RFT1: variants seen among roughly 807,000 people sequenced by gnomAD.
RFT1 encodes man(5)GlcNAc(2)-PP-dolichol translocation protein RFT1.
Under a neutral mutation model 62.2 loss-of-function variants are expected in RFT1, and 43 were observed. The observed-to-expected ratio is 0.69, with a 90% confidence interval of 0.54 to 0.89. The LOEUF (loss-of-function observed/expected upper bound fraction) is 0.89, where lower values mean the gene tolerates loss of function less well. Ranked by LOEUF, RFT1 falls within the 40% of genes least tolerant of loss-of-function variation. The pLI is 0.00. For synonymous variants in RFT1, 262 were observed against 264.6 expected (o/e 0.99, Z 0.10); for missense variants, 605 against 649.9 (o/e 0.93, Z 0.75).
the RFT1 span, among the ~76,000 whole-genome samples, chr3:53,067,573 A>G: frequency 0.98 from 149,742 of 152,222 alleles, 73,708 homozygotes; most frequent in Middle Eastern, 1. Flanking sequence ...ACGGTTACAC[A>G]GGTGTGCACC....
At chr3:53,096,848 G>A (rs1701156305) in intron 11 of RFT1, among the ~76,000 whole-genome samples, 1 of 152,082 alleles carries the variant, frequency 6.6e-6, no homozygotes, top group African/African-American at 2.4e-5. Context: ...AGGTTCAAGT[G>A]ATTCTTGTGC....
intron 11 of RFT1, among the ~76,000 whole-genome samples, chr3:53,098,590 C>G (rs1045755444): frequency 6.6e-6 from 1 of 152,036 alleles, no homozygotes; most frequent in Admixed American, 6.5e-5. Context: ...ATCACAAGGT[C>G]AGGAGATCGA....
chr3:53,103,910 T>A, intron 10 of RFT1, 43 bp downstream of exon 10: 1 of 1,611,922 alleles, frequency 6.2e-7, no homozygotes, highest in East Asian at 2.2e-5. Flanking sequence ...CTTCTATTTA[T>A]GTTGGGAAAT....
intron 11 of RFT1, among the ~76,000 whole-genome samples, chr3:53,093,222 G>A (rs2107074388): frequency 6.6e-6 from 1 of 152,268 alleles, no homozygotes; most frequent in East Asian, 1.9e-4. Flanking sequence ...CCTCCAAAAT[G>A]AAATGGGAAC....
intron 7 of RFT1, among the ~76,000 whole-genome samples, chr3:53,107,944 T>C (rs1176083152): frequency 1.3e-5 from 2 of 152,182 alleles, no homozygotes; most frequent in East Asian, 3.9e-4. Flanking sequence ...TGCCACTGTG[T>C]TTGTGGTAGG....
chr3:53,121,323 G>A (rs577870946), intron 5 of RFT1, among the ~76,000 whole-genome samples: 51 of 152,196 alleles, frequency 3.4e-4, no homozygotes, highest in African/African-American at 1.2e-3. Flanking sequence ...GGAAATCCAG[G>A]GAAAATAATA....
rs982848642 is a variant in RFT1 at position 53,109,949 on chromosome 3, C to T, written c.775+1881G>A. 2.0e-5 allele frequency among the ~76,000 whole-genome samples: 3 copies of T among 152,146 alleles called. No individual in the cohort carries two copies. In the East Asian group the frequency reaches 5.8e-4, roughly 29 times the overall value. On this transcript the variant is annotated intron_variant, in intron 7 of 12. Coordinates refer to ENST00000296292, the MANE Select transcript of RFT1 (RefSeq NM_052859.4). The stretch of plus-strand genomic sequence containing the variant: ...TATTTCACAGCCAAGGAGATGGAGG[C>T]CCTGAGAAGTTCCTAATGGCACTCT...
intron 10 of RFT1, among the ~76,000 whole-genome samples, chr3:53,099,904 C>T (rs1701265672): frequency 6.6e-6 from 1 of 152,164 alleles, no homozygotes; most frequent in Non-Finnish European, 1.5e-5. Context: ...GGAGGATCAC[C>T]TGAGTCTGGG....
the RFT1 span, among the ~76,000 whole-genome samples, chr3:53,071,983 G>A: frequency 6.6e-6 from 1 of 152,222 alleles, no homozygotes; most frequent in Non-Finnish European, 1.5e-5. Context: ...GCCTCAAGAG[G>A]CCCTAAAGGA....
chr3:53,103,122 C>G (rs1352417381), intron 10 of RFT1: 5 of 985,402 alleles, frequency 5.1e-6, no homozygotes, highest in Non-Finnish European at 6.0e-6. Flanking sequence ...GAAACCTGGC[C>G]CTTCCTCCCC....
At chr3:53,072,227 G>A in the RFT1 span, among the ~76,000 whole-genome samples, 1 of 152,178 alleles carries the variant, frequency 6.6e-6, no homozygotes, top group African/African-American at 2.4e-5. Context: ...CTCTACATGA[G>A]GCTGTGATAA....
At position 53,104,077 on chromosome 3, in the gene RFT1, A is replaced by G. The variant is rs372101755; in HGVS notation, c.978T>C (p.Ala326=). 2.5e-4 allele frequency: 405 copies of G among 1,613,926 alleles called. 1 individual carries two copies. The highest frequency in any genetic ancestry group is 2.8e-4 in the Non-Finnish European group (334 of 1,180,010). The change falls in exon 10 of 13, where the codon GCT becomes GCC. Residue 326 remains alanine, a synonymous_variant. Transcript: ENST00000296292. ...LQKQEDVAVA[A]AVLESLLKLA... ...GCTTGAGCAGGGACTCCAAGACTGC[A>G]GCAGCCACAGCAACGTCCTCCTGGG...
chr3:53,085,560 T>C (rs1700837404), downstream of RFT1, among the ~76,000 whole-genome samples: 1 of 152,234 alleles, frequency 6.6e-6, no homozygotes, highest in African/African-American at 2.4e-5. Context: ...CAGCCACCAC[T>C]CTTGTGTCCT....
At chr3:53,076,905 C>T in the RFT1 span, among the ~76,000 whole-genome samples, 158 of 151,582 alleles carry the variant, frequency 1.0e-3, 1 homozygote, top group African/African-American at 3.7e-3. Context: ...TGTGATTGTG[C>T]CACTGCTCTC....
At chr3:53,104,860 T>A (rs1207667137) in intron 9 of RFT1, among the ~76,000 whole-genome samples, 1 of 152,240 alleles carries the variant, frequency 6.6e-6, no homozygotes, top group African/African-American at 2.4e-5. Flanking sequence ...AACCCGAGTA[T>A]ACAGAATCTT....
chr3:53,106,865 C>G lies in RFT1; in HGVS notation c.780G>C (p.Glu260Asp), dbSNP rs761054182. ...CATTCAAAAATGTCATCACATATCGCTCGCCTATAAACAAAAAAGCAAAAT... is the reference window on the plus strand; with the variant it reads ...CATTCAAAAATGTCATCACATATCGGTCGCCTATAAACAAAAAAGCAAAAT... Reference protein sequence around the residue: ...SFLKQILTEGERYVMTFLNVL... With the variant: ...SFLKQILTEGDRYVMTFLNVL... The change falls in exon 8 of 13, where the codon GAG becomes GAC. Residue 260 changes from glutamate to aspartate, a missense_variant. Coordinates refer to ENST00000296292, the MANE Select transcript of RFT1 (RefSeq NM_052859.4). 3.1e-6 allele frequency: 5 copies of G among 1,612,908 alleles called. No individual in the cohort carries two copies. The African/African-American group carries it at 5.3e-5, about 17-fold the overall frequency.
At chr3:53,113,483 T>C (rs1450089735) in intron 6 of RFT1, among the ~76,000 whole-genome samples, 6 of 152,188 alleles carry the variant, frequency 3.9e-5, no homozygotes, top group African/African-American at 7.2e-5. Context: ...GCTCTGGAAG[T>C]GGGCCCAAGG....
chr3:53,116,205 A>C (rs1701785800), intron 6 of RFT1, among the ~76,000 whole-genome samples: 1 of 152,196 alleles, frequency 6.6e-6, no homozygotes, highest in Non-Finnish European at 1.5e-5. Context: ...TCCCCAGTGC[A>C]GAAAGCTGCT....
chr3:53,075,569 A>G, the RFT1 span, among the ~76,000 whole-genome samples: 1 of 152,200 alleles, frequency 6.6e-6, no homozygotes, highest in South Asian at 2.1e-4. Context: ...AGTCCTCTCC[A>G]TCGTGAGGCA....
Sources: gnomAD v4.1 joint callset for allele counts (sites outside exome capture counted in the v4.1 genomes callset) on GRCh38, gnomAD v4.1.1 for gene constraint, MANE v1.5 for transcripts, NCBI Gene and HGNC (gene_info 2026-07-23, HGNC 2026-07-21) for gene names.